The following PMFBP1 variants were observed in gnomAD, a reference collection of about 807,000 sequenced individuals.
PMFBP1 encodes polyamine-modulated factor 1-binding protein 1.
In PMFBP1, 131 loss-of-function variants were observed where a neutral mutation model predicts 137.8. That is an observed-to-expected ratio of 0.95 (90% CI 0.82 to 1.10). The LOEUF (loss-of-function observed/expected upper bound fraction) is 1.10, where lower values mean the gene tolerates loss of function less well. Ranked by LOEUF, PMFBP1 falls within the 50% of genes least tolerant of loss-of-function variation. The probability of loss-of-function intolerance (pLI) is 0.00; values close to 1 mark genes in which losing one functional copy is unlikely to be tolerated. For missense variants in PMFBP1, 1,199 were observed against 1,175.4 expected (o/e 1.02, Z -0.29); for synonymous variants, 490 against 450.4 (o/e 1.09, Z -1.11).
At chr16:72,226,683 G>A in the PMFBP1 span, among the ~76,000 whole-genome samples, 5 of 152,022 alleles carry the variant, frequency 3.3e-5, no homozygotes, top group Admixed American at 2.0e-4. Flanking sequence ...TTTGATAACC[G>A]GTACATAAGG....
rs763418846 is a variant in PMFBP1 at position 72,140,448 on chromosome 16, T to TG, written c.770_771insC (p.Gln257HisfsTer6). 2.5e-6 allele frequency: 4 copies of TG among 1,614,112 alleles called. No individual in the cohort carries two copies. Among genetic ancestry groups the TG allele is most frequent in the Non-Finnish European group, 3.4e-6 (4 of 1,179,946 alleles). On this transcript the variant is annotated frameshift_variant, in exon 6 of 21. Coordinates refer to ENST00000237353, the MANE Select transcript of PMFBP1 (RefSeq NM_031293.3). LOFTEE classifies it high-confidence loss of function. ...TGCAGGCCAGCTTATTTCGAAGTTC[T>TG]TGAATGAGATCATCCTGTTGAGAGA...
chr16:72,193,753 A>G, the PMFBP1 span, among the ~76,000 whole-genome samples: 1 of 151,398 alleles, frequency 6.6e-6, no homozygotes, highest in South Asian at 2.1e-4. Flanking sequence ...ATACAATTAC[A>G]CAACCCCCAA....
At chr16:72,178,965 C>A (rs2043267491), upstream of PMFBP1, among the ~76,000 whole-genome samples, 1 of 152,182 alleles carries the variant, frequency 6.6e-6, no homozygotes, top group African/African-American at 2.4e-5. Context: ...GCCCTCTCCA[C>A]CATAAACTCT....
chr16:72,171,627 G>A (rs1323845736), intron 1 of PMFBP1: 1 of 170,162 alleles, frequency 5.9e-6, no homozygotes, highest in Non-Finnish European at 1.3e-5. Context: ...CAGACATGAT[G>A]TGCATGACCT....
intron 19 of PMFBP1, 148 bp from the exon 20 acceptor site, chr16:72,120,237 A>G (rs2042357697): frequency 7.5e-7 from 1 of 1,332,556 alleles, no homozygotes; most frequent in Admixed American, 2.1e-5. Flanking sequence ...TGCTCTGTAG[A>G]AATGGAAGCC....
the PMFBP1 span, among the ~76,000 whole-genome samples, chr16:72,236,538 C>T: frequency 6.6e-6 from 1 of 152,078 alleles, no homozygotes; most frequent in Non-Finnish European, 1.5e-5. Flanking sequence ...GCCCCACACC[C>T]AAGACATGAT....
the PMFBP1 span, among the ~76,000 whole-genome samples, chr16:72,237,921 G>A: frequency 6.6e-6 from 1 of 152,150 alleles, no homozygotes; most frequent in Admixed American, 6.5e-5. Context: ...TCCTGTATTA[G>A]TTTCCTAAGG....
At chr16:72,143,650 G>A (rs1238645746) in intron 5 of PMFBP1, among the ~76,000 whole-genome samples, 1 of 152,156 alleles carries the variant, frequency 6.6e-6, no homozygotes, top group East Asian at 1.9e-4. Flanking sequence ...GGCTGAGGCA[G>A]AAGAATTGCT....
rs1221572333 is a variant in PMFBP1 at position 72,136,790 on chromosome 16, G to A, written c.948C>T (p.Asp316=). 7 of 1,614,202 alleles carry A rather than the reference G, an allele frequency of 4.3e-6. No individual in the cohort carries two copies. The highest frequency in any genetic ancestry group is 1.6e-4 in the Middle Eastern group (1 of 6,062). The change falls in exon 8 of 21, where the codon GAC becomes GAT. Residue 316 remains aspartate, a synonymous_variant. Coordinates refer to ENST00000237353, the MANE Select transcript of PMFBP1 (RefSeq NM_031293.3). ...KILKHLQEQK[D]SQCLHVEEYQ... ...ACTCCTCCACATGCAGGCACTGGCT[G>A]TCTTTCTGCTCCTGCAAGTGCTTCA... is the stretch of plus-strand genomic sequence containing the variant.
chr16:72,160,846 T>A (rs966753958), intron 3 of PMFBP1, among the ~76,000 whole-genome samples: 1 of 152,228 alleles, frequency 6.6e-6, no homozygotes, highest in Non-Finnish European at 1.5e-5. Context: ...TATGTATTCT[T>A]GGTGTTGAGG....
intron 17 of PMFBP1, 86 bp from the exon 18 acceptor site, chr16:72,123,735 C>A: frequency 8.1e-7 from 1 of 1,241,234 alleles, no homozygotes; most frequent in East Asian, 2.4e-5. Flanking sequence ...CTTCTATCTC[C>A]CTGGGAAAAG....
chr16:72,190,593 G>A, the PMFBP1 span, among the ~76,000 whole-genome samples: 5 of 152,154 alleles, frequency 3.3e-5, no homozygotes, highest in African/African-American at 1.2e-4. Context: ...GACAGAGAGG[G>A]AGTGAAATGG....
chr16:72,246,342 C>T, the PMFBP1 span, among the ~76,000 whole-genome samples: 1 of 152,156 alleles, frequency 6.6e-6, no homozygotes, highest in African/African-American at 2.4e-5. Context: ...TCCTCTATTT[C>T]TCAGGACACT....
upstream of PMFBP1, among the ~76,000 whole-genome samples, chr16:72,172,993 A>G (rs952207441): frequency 1.3e-5 from 2 of 152,186 alleles, no homozygotes; most frequent in Admixed American, 6.5e-5. Context: ...CGAACTCACA[A>G]ATGACTTCCA....
At chr16:72,159,245 T>C (rs1013154554) in intron 3 of PMFBP1, among the ~76,000 whole-genome samples, 1 of 152,224 alleles carries the variant, frequency 6.6e-6, no homozygotes, top group East Asian at 1.9e-4. Flanking sequence ...CCCCCATCTA[T>C]ACTTAGGTGT....
At chr16:72,153,545 G>A (rs1463584528) in intron 4 of PMFBP1, among the ~76,000 whole-genome samples, 6 of 152,022 alleles carry the variant, frequency 3.9e-5, no homozygotes, top group African/African-American at 1.2e-4. Context: ...TGCTATCACT[G>A]CTCAAGTGGT....
the PMFBP1 span, among the ~76,000 whole-genome samples, chr16:72,196,177 T>C: frequency 6.6e-6 from 1 of 152,196 alleles, no homozygotes. Context: ...ACAGAACAAC[T>C]GAAAGTTAAG....
intron 4 of PMFBP1, among the ~76,000 whole-genome samples, chr16:72,151,173 T>C (rs984676355): frequency 6.6e-6 from 1 of 152,196 alleles, no homozygotes; most frequent in Admixed American, 6.5e-5. Flanking sequence ...AATGCTGGTA[T>C]TTTTTCCTTC....
intron 5 of PMFBP1, among the ~76,000 whole-genome samples, chr16:72,149,633 G>T (rs2042869997): frequency 6.6e-6 from 1 of 152,090 alleles, no homozygotes; most frequent in Non-Finnish European, 1.5e-5. Flanking sequence ...GACCAGCCTG[G>T]CTAACACGGC....
Sources: gnomAD v4.1 joint callset for allele counts (sites outside exome capture counted in the v4.1 genomes callset) on GRCh38, gnomAD v4.1.1 for gene constraint, MANE v1.5 for transcripts, NCBI Gene and HGNC (gene_info 2026-07-23, HGNC 2026-07-21) for gene names.